The following VEPH1 variants were observed in gnomAD, a reference collection of about 807,000 sequenced individuals.
The protein encoded by VEPH1 is ventricular zone expressed PH domain containing 1.
In VEPH1, 80 loss-of-function variants were observed where a neutral mutation model predicts 85.2. The observed-to-expected ratio is 0.94, with a 90% CI of 0.78 to 1.13. The LOEUF (loss-of-function observed/expected upper bound fraction) is 1.13. Ranked by LOEUF, VEPH1 falls within the 50% of genes most tolerant of loss-of-function variation. The pLI is 0.00. For missense variants in VEPH1, 955 were observed against 980.5 expected, an observed-to-expected ratio of 0.97 and a Z score of 0.35; for synonymous variants, 297 against 348.0, an observed-to-expected ratio of 0.85 and a Z score of 1.63.
At chr3:157,345,182 C>A (rs1195460870) in intron 9 of VEPH1, among the ~76,000 whole-genome samples, 1 of 152,130 alleles carries the variant, frequency 6.6e-6, no homozygotes, top group East Asian at 1.9e-4. Flanking sequence ...CAAATGGGAC[C>A]TAAATAAACT....
chr3:157,374,678 C>T, intron 7 of VEPH1, among the ~76,000 whole-genome samples: 1 of 152,116 alleles, frequency 6.6e-6, no homozygotes, highest in Middle Eastern at 3.2e-3. Flanking sequence ...CAGAGGAAAG[C>T]ACAGATCACT....
intron 13 of VEPH1, among the ~76,000 whole-genome samples, chr3:157,265,188 T>TA (rs1713456793): frequency 6.6e-6 from 1 of 152,276 alleles, no homozygotes; most frequent in South Asian, 2.1e-4. Flanking sequence ...ACTATAGCTA[T>TA]AAAAAAATCA....
intron 4 of VEPH1, among the ~76,000 whole-genome samples, chr3:157,434,089 T>G (rs1733371568): frequency 6.6e-6 from 1 of 152,228 alleles, no homozygotes. Context: ...ATCTTCCTGT[T>G]AAAGTATTTC....
At chr3:157,489,917 A>G (rs1739066676) in intron 2 of VEPH1, among the ~76,000 whole-genome samples, 1 of 152,040 alleles carries the variant, frequency 6.6e-6, no homozygotes, top group African/African-American at 2.4e-5. Context: ...AACTGAAAAT[A>G]GAATTGGAAA....
rs1211863391 is a variant in VEPH1 at position 157,334,032 on chromosome 3, A to G, written c.1736-16831T>C. ...TACCAGGAGGTTTATTATGTCCGAT[A>G]TGTTGGTGCAGGGTATATAGGACCT... On this transcript the variant is annotated intron_variant, in intron 9 of 13. Transcript: ENST00000362010. Among the ~76,000 whole-genome samples the G allele has an allele frequency of 2.0e-5, 3 of 152,152 alleles. No homozygotes were observed. The East Asian group carries it at 5.8e-4, about 29-fold the overall frequency.
intron 6 of VEPH1, chr3:157,409,548 T>C (rs1731384984): frequency 2.3e-6 from 2 of 882,436 alleles, no homozygotes; most frequent in Non-Finnish European, 2.7e-6. Context: ...ATTTCTGAGT[T>C]AATCTGGGAG....
Position 157,381,315 on chromosome 3 carries a change from A to T in VEPH1, c.968T>A (p.Phe323Tyr). The stretch of plus-strand genomic sequence containing the variant: ...AATCTCCAGCAGGAGAATATGGTGA[A>T]ACGAATGCTCCATGTTGGCCAGTTG... Reference protein sequence around the residue: ...VSQLANMEHSFHHILLLEIKS... With the variant: ...VSQLANMEHSYHHILLLEIKS... The change falls in exon 7 of 14, where the codon TTT (phenylalanine) becomes TAT (tyrosine). Residue 323 changes from phenylalanine to tyrosine, a missense_variant. Coordinates refer to ENST00000362010, the MANE Select transcript of VEPH1 (RefSeq NM_001167912.2). 1 of 1,614,186 alleles carries T rather than the reference A, an allele frequency of 6.2e-7. No individual in the cohort carries two copies. The highest frequency in any genetic ancestry group is 8.5e-7 in the Non-Finnish European group (1 of 1,180,030).
intron 9 of VEPH1, among the ~76,000 whole-genome samples, chr3:157,317,966 T>C (rs1172740286): frequency 1.3e-5 from 2 of 152,222 alleles, no homozygotes; most frequent in Non-Finnish European, 2.9e-5. Flanking sequence ...AAGATGGGTA[T>C]TATTTCTGTT....
chr3:157,477,020 G>A (rs1258195892), intron 2 of VEPH1, among the ~76,000 whole-genome samples: 3 of 152,122 alleles, frequency 2.0e-5, no homozygotes, highest in Non-Finnish European at 4.4e-5. Context: ...GTAAAGGAGG[G>A]ATACTGCATT....
At chr3:157,398,503 G>A (rs1730584581) in intron 6 of VEPH1, among the ~76,000 whole-genome samples, 1 of 152,110 alleles carries the variant, frequency 6.6e-6, no homozygotes, top group African/African-American at 2.4e-5. Context: ...GCATGGTGGT[G>A]CGCAACTGTA....
Position 157,417,567 on chromosome 3 carries a change from G to A in VEPH1, c.697-3477C>T, listed in dbSNP as rs1002787066. Among the ~76,000 whole-genome samples, 6 of 152,162 alleles carry A rather than the reference G, an allele frequency of 3.9e-5. 1 individual carries two copies. The highest frequency in any genetic ancestry group is 1.4e-4 in the African/African-American group (6 of 41,442). ...CCATGGCCAAAATTCCAATGCTGTG[G>A]TATTCCAGATTCCAGTGTCTTTTTT... On this transcript the variant is annotated intron_variant, in intron 5 of 13. Transcript: ENST00000362010.
rs1739103187 is a variant in VEPH1 at position 157,490,236 on chromosome 3, AC to A, written c.138+4975del. ...TAAAATTATTAAAGAACAGAAAAAAACAAAGCAGTGTTAAAGAAGGGTGGGA... is the reference window on the plus strand; with the variant it reads ...TAAAATTATTAAAGAACAGAAAAAAAAAAGCAGTGTTAAAGAAGGGTGGGA... On this transcript the variant is annotated intron_variant, in intron 2 of 13. Transcript: ENST00000362010. 2.0e-5 allele frequency among the ~76,000 whole-genome samples: 3 copies of A among 152,156 alleles called. No individual in the cohort carries two copies. The East Asian group carries it at 5.8e-4, about 29-fold the overall frequency.
At chr3:157,298,990 T>C (rs1411217815) in intron 11 of VEPH1, among the ~76,000 whole-genome samples, 1 of 152,158 alleles carries the variant, frequency 6.6e-6, no homozygotes, top group African/African-American at 2.4e-5. Flanking sequence ...ATTTTTAAGG[T>C]CGAAACCAGA....
intron 11 of VEPH1, among the ~76,000 whole-genome samples, chr3:157,311,938 C>T (rs770859664): frequency 3.3e-5 from 5 of 152,156 alleles, no homozygotes; most frequent in Non-Finnish European, 5.9e-5. Flanking sequence ...AATTCCTAAA[C>T]ACAAGCCAAA....
intron 12 of VEPH1, among the ~76,000 whole-genome samples, chr3:157,283,308 AC>A (rs1405658435): frequency 1.3e-5 from 2 of 152,200 alleles, no homozygotes; most frequent in African/African-American, 4.8e-5. Flanking sequence ...TGCGAAAATT[AC>A]TTAATCTCTT....
intron 11 of VEPH1, among the ~76,000 whole-genome samples, chr3:157,296,522 T>C (rs1718166663): frequency 6.6e-6 from 1 of 152,248 alleles, no homozygotes; most frequent in Non-Finnish European, 1.5e-5. Flanking sequence ...TTCTCCTTTC[T>C]CTTGTTAGAA....
At chr3:157,420,167 T>C (rs1577611465) in intron 5 of VEPH1, among the ~76,000 whole-genome samples, 1 of 137,224 alleles carries the variant, frequency 7.3e-6, no homozygotes. Context: ...CAACACACAC[T>C]GGGACCTGTT....
chr3:157,408,588 C>T (rs1577585698), intron 6 of VEPH1, among the ~76,000 whole-genome samples: 2 of 152,098 alleles, frequency 1.3e-5, no homozygotes, highest in South Asian at 4.1e-4. Flanking sequence ...AAGACATTAA[C>T]CTGCAAATTG....
At chr3:157,346,490 A>G (rs1287891907) in intron 9 of VEPH1, among the ~76,000 whole-genome samples, 4 of 152,240 alleles carry the variant, frequency 2.6e-5, no homozygotes, top group Non-Finnish European at 5.9e-5. Context: ...TTACCCACTA[A>G]GGAATTTTAA....
Sources: allele counts gnomAD v4.1 joint callset (sites outside exome capture counted in the v4.1 genomes callset), GRCh38; gene constraint gnomAD v4.1.1; transcripts MANE v1.5; gene names NCBI Gene and HGNC (gene_info 2026-07-23, HGNC 2026-07-21).